SHROOM3: variants seen among roughly 807,000 people sequenced by gnomAD.
The protein encoded by SHROOM3 is protein Shroom3.
SHROOM3 carries 47 observed loss-of-function variants against 138.6 expected under a neutral mutation model. That is an observed-to-expected ratio of 0.34 (90% CI 0.27 to 0.43). SHROOM3 has a LOEUF of 0.43. Among genes scored for constraint, SHROOM3 ranks in the 20% least tolerant of loss-of-function variants. The pLI is 1.00. For missense variants in SHROOM3, 2,491 were observed against 2,596.5 expected (o/e 0.96, Z 0.88); for synonymous variants, 1,062 against 1,063.3 (o/e 1.00, Z 0.02).
chr4:76,759,472 G>A lies in SHROOM3; in HGVS notation c.5199-73G>A, dbSNP rs1432879630. The A allele has an allele frequency of 2.5e-6, 4 of 1,579,326 alleles. No homozygotes were observed. The East Asian group carries it at 8.9e-5, about 35-fold the overall frequency. On this transcript the variant is annotated intron_variant, in intron 8 of 10. Transcript: ENST00000296043. ...TAGAATTGTTACGCACTTCTGAATG[G>A]ACTGACATCTGCAGTGAAACAAAGC...
At chr4:76,441,446 G>A (rs1361645981) in intron 1 of SHROOM3, among the ~76,000 whole-genome samples, 1 of 152,120 alleles carries the variant, frequency 6.6e-6, no homozygotes, top group East Asian at 1.9e-4. Context: ...CCTGGATCTG[G>A]TTGAGGACCC....
chr4:76,678,723 C>T (rs1380755073), intron 2 of SHROOM3, among the ~76,000 whole-genome samples: 1 of 152,156 alleles, frequency 6.6e-6, no homozygotes, highest in South Asian at 2.1e-4. Flanking sequence ...TGCAATGGCG[C>T]GATCCTGGCT....
chr4:76,501,768 A>C (rs1732100605), intron 1 of SHROOM3, among the ~76,000 whole-genome samples: 1 of 152,232 alleles, frequency 6.6e-6, no homozygotes, highest in South Asian at 2.1e-4. Context: ...GTTGACAAAC[A>C]CATCTGCATG....
intron 2 of SHROOM3, among the ~76,000 whole-genome samples, chr4:76,590,229 A>G (rs1328812663): frequency 6.6e-6 from 1 of 152,190 alleles, no homozygotes; most frequent in South Asian, 2.1e-4. Context: ...CCTGAAGCCT[A>G]AATTGAGGAC....
At chr4:76,699,257 T>G (rs1719835415) in intron 2 of SHROOM3, among the ~76,000 whole-genome samples, 1 of 152,206 alleles carries the variant, frequency 6.6e-6, no homozygotes, top group African/African-American at 2.4e-5. Flanking sequence ...AAGCTGTCTT[T>G]TATTCTACAC....
intron 1 of SHROOM3, among the ~76,000 whole-genome samples, chr4:76,543,210 A>G (rs1733142516): frequency 6.6e-6 from 1 of 152,212 alleles, no homozygotes; most frequent in African/African-American, 2.4e-5. Context: ...ATGGAAAAGC[A>G]TAGAAGAGGC....
chr4:76,659,192 C>T (rs1736131267), intron 2 of SHROOM3, among the ~76,000 whole-genome samples: 1 of 152,160 alleles, frequency 6.6e-6, no homozygotes, highest in African/African-American at 2.4e-5. Context: ...CCTTCAGCCA[C>T]CTCTCCTCTC....
chr4:76,495,166 A>C (rs1332526260), intron 1 of SHROOM3, among the ~76,000 whole-genome samples: 2 of 152,218 alleles, frequency 1.3e-5, no homozygotes, highest in Non-Finnish European at 2.9e-5. Context: ...CAAAGAGAGA[A>C]GCCTGTAGAC....
intron 2 of SHROOM3, among the ~76,000 whole-genome samples, chr4:76,665,938 T>G (rs1273217920): frequency 1.3e-5 from 2 of 152,196 alleles, no homozygotes; most frequent in Non-Finnish European, 2.9e-5. Context: ...TAAGTTCCAC[T>G]GCATCAGTGC....
intron 1 of SHROOM3, among the ~76,000 whole-genome samples, chr4:76,463,638 A>C (rs1357220722): frequency 6.6e-5 from 10 of 152,218 alleles, no homozygotes; most frequent in Admixed American, 6.5e-4. Flanking sequence ...TCACAGGCCT[A>C]GAGTCCTAGA....
intron 3 of SHROOM3, among the ~76,000 whole-genome samples, chr4:76,712,501 A>C (rs759758207): frequency 6.6e-6 from 1 of 152,248 alleles, no homozygotes; most frequent in Non-Finnish European, 1.5e-5. Flanking sequence ...AAACAAATGT[A>C]TATCTACTTA....
intron 2 of SHROOM3, among the ~76,000 whole-genome samples, chr4:76,594,498 T>TA (rs1350993846): frequency 6.6e-6 from 1 of 152,226 alleles, no homozygotes; most frequent in Non-Finnish European, 1.5e-5. Context: ...GGATGTCACT[T>TA]ACATAAAAAC....
Position 76,740,487 on chromosome 4 carries a change from T to C in SHROOM3, c.2314T>C (p.Phe772Leu). 1.9e-6 allele frequency: 3 copies of C among 1,612,854 alleles called. No homozygotes were observed. The highest frequency in any genetic ancestry group is 2.5e-6 in the Non-Finnish European group (3 of 1,179,266). The change falls in exon 5 of 11, where the codon TTT (phenylalanine) becomes CTT (leucine). Residue 772 changes from phenylalanine to leucine, a missense_variant. Transcript: ENST00000296043. The surrounding 1 kb of genome is among the most constrained non-coding windows in gnomAD (Gnocchi z 4.0). ...AGGCAGCGCCTCGGCTCTTCAGGGC[T>C]TTCAGTACGGGAAGCCCCACTGCTC... ...GPGSASALQG[F>L]QYGKPHCSVL...
chr4:76,558,675 C>G (rs1733538461), intron 2 of SHROOM3, among the ~76,000 whole-genome samples: 1 of 152,200 alleles, frequency 6.6e-6, no homozygotes, highest in Non-Finnish European at 1.5e-5. Flanking sequence ...TGCTACTACA[C>G]TGACTCATTT....
chr4:76,551,241 G>A (rs1355614892), intron 1 of SHROOM3, among the ~76,000 whole-genome samples: 3 of 152,220 alleles, frequency 2.0e-5, no homozygotes, highest in East Asian at 1.9e-4. Context: ...TAAAGAAATA[G>A]TTTATAAGAA....
intron 2 of SHROOM3, among the ~76,000 whole-genome samples, chr4:76,677,078 A>C (rs147968309): frequency 6.6e-6 from 1 of 152,276 alleles, no homozygotes; most frequent in East Asian, 1.9e-4. Flanking sequence ...ATAAATTCCC[A>C]TTTACTGAGG....
chr4:76,665,301 G>A (rs1377461430), intron 2 of SHROOM3, among the ~76,000 whole-genome samples: 1 of 152,138 alleles, frequency 6.6e-6, no homozygotes, highest in African/African-American at 2.4e-5. Flanking sequence ...GGGATCCATG[G>A]GGTTTTTTTA....
intron 1 of SHROOM3, among the ~76,000 whole-genome samples, chr4:76,480,458 C>G (rs1198549978): frequency 6.6e-6 from 1 of 152,176 alleles, no homozygotes; most frequent in East Asian, 1.9e-4. Context: ...TACATATGCA[C>G]CCAATACAGG....
chr4:76,645,009 G>A (rs1735781913), intron 2 of SHROOM3, among the ~76,000 whole-genome samples: 1 of 152,190 alleles, frequency 6.6e-6, no homozygotes, highest in Non-Finnish European at 1.5e-5. Context: ...GGCCTAGAGA[G>A]ATTAAGTAAT....
Sources: allele counts gnomAD v4.1 joint callset (sites outside exome capture counted in the v4.1 genomes callset), GRCh38; gene constraint gnomAD v4.1.1; non-coding constraint Gnocchi (gnomAD v3.1); transcripts MANE v1.5; gene names NCBI Gene and HGNC (gene_info 2026-07-23, HGNC 2026-07-21).